Variants in DDC observed in about 807,000 individuals in gnomAD.
DDC encodes the protein aromatic-L-amino-acid decarboxylase.
Under a neutral mutation model 60.0 loss-of-function variants are expected in DDC, and 43 were observed. The ratio of observed to expected loss-of-function variants is 0.72; its 90% CI spans 0.56 to 0.92. DDC has a LOEUF of 0.92. DDC is among the 40% of genes least tolerant of loss of function. The probability of loss-of-function intolerance (pLI) is 0.00; values close to 1 mark genes in which losing one functional copy is unlikely to be tolerated. For synonymous variants in DDC, 232 were observed against 234.6 expected, an observed-to-expected ratio of 0.99 and a Z score of 0.10; for missense variants, 573 against 620.2, an observed-to-expected ratio of 0.92 and a Z score of 0.81.
intron 5 of DDC, among the ~76,000 whole-genome samples, chr7:50,528,870 C>T (rs188824292): frequency 1.5e-3 from 234 of 152,270 alleles, no homozygotes; most frequent in Non-Finnish European, 2.3e-3. Context: ...CACAGAATAA[C>T]AAAGCTGCAG....
At chr7:50,522,957 G>A (rs2043939776) in intron 6 of DDC, among the ~76,000 whole-genome samples, 1 of 152,158 alleles carries the variant, frequency 6.6e-6, no homozygotes, top group South Asian at 2.1e-4. Context: ...CGGATCTCAT[G>A]AGAATTCACT....
At chr7:50,545,203 G>T (rs2876830) in intron 1 of DDC, among the ~76,000 whole-genome samples, 5 of 152,154 alleles carry the variant, frequency 3.3e-5, no homozygotes, top group Admixed American at 2.0e-4. Flanking sequence ...GGGAACATAC[G>T]CATCGGACAA....
intron 6 of DDC, among the ~76,000 whole-genome samples, chr7:50,520,849 G>A (rs903729936): frequency 6.6e-6 from 1 of 152,048 alleles, no homozygotes. Flanking sequence ...GGGAGGTGGA[G>A]GTTGTGCCAC....
At chr7:50,517,513 A>T (rs6975453) in intron 6 of DDC, among the ~76,000 whole-genome samples, 69,088 of 151,970 alleles carry the variant, frequency 0.45, 16,145 homozygotes, top group Non-Finnish European at 0.52. Flanking sequence ...TGAGAACTGG[A>T]ACATGACAAG....
intron 6 of DDC, among the ~76,000 whole-genome samples, chr7:50,504,263 T>C (rs2043334867): frequency 6.6e-6 from 1 of 152,136 alleles, no homozygotes; most frequent in Admixed American, 6.6e-5. Context: ...AGAAACAGAT[T>C]TGCAGACAGA....
At chr7:50,539,357 T>C (rs1275255722) in intron 3 of DDC, among the ~76,000 whole-genome samples, 3 of 152,190 alleles carry the variant, frequency 2.0e-5, no homozygotes, top group Non-Finnish European at 4.4e-5. Context: ...CAGCCCTGCC[T>C]ACCGTTCTTC....
At chr7:50,470,754 T>C (rs935244177) in intron 11 of DDC, among the ~76,000 whole-genome samples, 4 of 152,186 alleles carry the variant, frequency 2.6e-5, no homozygotes, top group African/African-American at 7.2e-5. Context: ...CTCCAGAAGC[T>C]TTCCCTGTCC....
At chr7:50,459,303 G>T (rs1446440819) in intron 14 of DDC, among the ~76,000 whole-genome samples, 2 of 152,174 alleles carry the variant, frequency 1.3e-5, no homozygotes, top group African/African-American at 2.4e-5. Context: ...ATCTCGGCTC[G>T]CTACAACCTC....
At chr7:50,522,039 C>A (rs181905002) in intron 6 of DDC, among the ~76,000 whole-genome samples, 68 of 151,978 alleles carry the variant, frequency 4.5e-4, no homozygotes, top group Admixed American at 1.1e-3. Context: ...AAAGAATAAA[C>A]AAAAACAAAA....
intron 11 of DDC, among the ~76,000 whole-genome samples, chr7:50,474,136 G>C (rs535186366): frequency 2.0e-5 from 3 of 152,380 alleles, no homozygotes; most frequent in African/African-American, 7.2e-5. Flanking sequence ...ACAGGTTGCT[G>C]ATGCTTGACC....
chr7:50,519,739 G>A (rs1343946193), intron 6 of DDC, among the ~76,000 whole-genome samples: 1 of 152,018 alleles, frequency 6.6e-6, no homozygotes, highest in South Asian at 2.1e-4. Context: ...GACTTGGGGG[G>A]AAGAGTGGGA....
At chr7:50,542,391 G>C (rs1480736197) in intron 2 of DDC, 3 of 152,182 alleles carry the variant, frequency 2.0e-5, no homozygotes, top group Non-Finnish European at 4.4e-5. Flanking sequence ...GAAAAGGACA[G>C]AAGCGATTCT....
rs1362686668 is a variant in DDC, at chr7:50,528,248, A to G, written c.603T>C (p.Ile201=). 1.2e-6 allele frequency: 2 copies of G among 1,614,176 alleles called. No individual in the cohort carries two copies. Among genetic ancestry groups the G allele is most frequent in the African/African-American group, 1.3e-5 (1 of 75,054 alleles). Residue 201 remains isoleucine (I), a synonymous_variant, in exon 6 of 15, where the codon ATT becomes ATC. Coordinates refer to ENST00000444124, the MANE Select transcript of DDC (RefSeq NM_001082971.2). ...GGATGGCTTTTAATTTCACTCCACC[A>G]ATTAACCCAGCTCTTTCCACTGAGG... is the stretch of plus-strand genomic sequence containing the variant. ...AHSSVERAGL[I]GGVKLKAIPS... is the part of the protein sequence containing the mutation.
chr7:50,543,848 T>C lies in DDC; in HGVS notation c.201+37A>G, dbSNP rs11575293. 22,350 of 1,595,870 alleles carry C rather than the reference T, an allele frequency of 0.014. 203 individuals carry two copies. The highest frequency in any genetic ancestry group is 0.016 in the Non-Finnish European group (18,773 of 1,163,858). On this transcript the variant is annotated intron_variant, in intron 2 of 14. Coordinates refer to ENST00000444124, the MANE Select transcript of DDC (RefSeq NM_001082971.2). ...AGCCAAGTAGGTGCTATGTGAGTTC[T>C]AGCCCTCCTGTTTTCTGACCTTGGA...
intron 9 of DDC, chr7:50,492,936 A>G (rs754626771): frequency 6.3e-7 from 1 of 1,597,376 alleles, no homozygotes; most frequent in Admixed American, 1.7e-5. Flanking sequence ...GAAAGGCTCA[A>G]CTCCTTCTCA....
rs551328286 is a variant in DDC at position 50,460,020 on chromosome 7, C to T, written c.*19-1177G>A. On this transcript the variant is annotated intron_variant, in intron 14 of 14. Transcript: ENST00000444124. ...TGCCCCTACTGGGAAGTGAGGATCC[C>T]CTCTGCCCGGCCAGCTGCCCCGTCC... is the stretch of plus-strand genomic sequence containing the variant. Among the ~76,000 whole-genome samples, 3 of 145,532 alleles carry T rather than the reference C, an allele frequency of 2.1e-5. No homozygotes were observed. In the South Asian group the frequency reaches 6.4e-4, roughly 31 times the overall value.
rs920673766 is a variant in DDC, at chr7:50,490,687, TCAA to T, written c.944+4660_944+4662del. On this transcript the variant is annotated intron_variant, in intron 9 of 14. Transcript: ENST00000444124. ...CTGGACAACAGAGCAAGGCTCTGTC[TCAA>T]CAACAACAACAACAACAACAAAAGC... Among the ~76,000 whole-genome samples, 6 of 151,900 alleles carry T rather than the reference TCAA, an allele frequency of 3.9e-5. 1 individual carries two copies. In the South Asian group the frequency reaches 6.2e-4, roughly 16 times the overall value.
chr7:50,520,599 A>G (rs2043862084), intron 6 of DDC, among the ~76,000 whole-genome samples: 1 of 152,202 alleles, frequency 6.6e-6, no homozygotes, highest in Admixed American at 6.5e-5. Flanking sequence ...CCACCTTAAT[A>G]ACCTAGAAAA....
At chr7:50,522,367 G>T (rs1563024761) in intron 6 of DDC, among the ~76,000 whole-genome samples, 2 of 152,180 alleles carry the variant, frequency 1.3e-5, no homozygotes, top group African/African-American at 4.8e-5. Flanking sequence ...TAAATTCAAT[G>T]CAATCCTATA....
Sources: allele counts gnomAD v4.1 joint callset (sites outside exome capture counted in the v4.1 genomes callset), GRCh38; gene constraint gnomAD v4.1.1; transcripts MANE v1.5; gene names NCBI Gene and HGNC (gene_info 2026-07-23, HGNC 2026-07-21).